PCDH11X: variants seen among roughly 807,000 people sequenced by gnomAD.
The protein encoded by PCDH11X is protocadherin 11 X-linked.
PCDH11X carries 18 observed loss-of-function variants against 53.3 expected under a neutral mutation model. The observed-to-expected ratio is 0.34, with a 90% confidence interval of 0.23 to 0.50. The LOEUF is 0.50. PCDH11X is among the 20% of genes least tolerant of loss of function. PCDH11X has a pLI of 0.98. For missense variants in PCDH11X, 570 were observed against 1,032.4 expected (o/e 0.55, Z 6.14); for synonymous variants, 279 against 393.3 (o/e 0.71, Z 3.44).
chrX:92,245,990 A>T lies in PCDH11X; in HGVS notation c.3115-17124A>T, dbSNP rs767233138. Among the ~76,000 whole-genome samples, 5 of 111,936 alleles carry T rather than the reference A, an allele frequency of 4.5e-5. No individual in the cohort carries two copies. The Admixed American group carries it at 4.8e-4, about 11-fold the overall frequency. On this transcript the variant is annotated intron_variant, in intron 7 of 10. Coordinates refer to ENST00000682573, the MANE Select transcript of PCDH11X (RefSeq NM_032968.5). The stretch of plus-strand genomic sequence containing the variant: ...CCGAATATCCTAATAGATAGTATAA[A>T]TCTAATTGTAAATTTTGGGGGGGAA...
At chrX:92,413,915 T>G (rs922673864) in intron 9 of PCDH11X, among the ~76,000 whole-genome samples, 1 of 107,514 alleles carries the variant, frequency 9.3e-6, no homozygotes, top group African/African-American at 3.4e-5. Context: ...GTGGAGTTTT[T>G]GGCCCTCTGA....
At chrX:91,867,772 C>A (rs1405085998) in intron 5 of PCDH11X, among the ~76,000 whole-genome samples, 1 of 111,207 alleles carries the variant, frequency 9.0e-6, no homozygotes, top group Non-Finnish European at 1.9e-5. Flanking sequence ...TCCCATACTC[C>A]CCATTCCTTG....
At chrX:92,002,290 T>C (rs1240613359) in intron 6 of PCDH11X, among the ~76,000 whole-genome samples, 2 of 108,330 alleles carry the variant, frequency 1.8e-5, no homozygotes, top group African/African-American at 3.4e-5. Context: ...TCCAGCTGTT[T>C]TGGTTACTAT....
intron 6 of PCDH11X, among the ~76,000 whole-genome samples, chrX:92,088,126 G>A (rs956349460): frequency 1.7e-4 from 18 of 108,153 alleles, no homozygotes; most frequent in African/African-American, 3.7e-4. Flanking sequence ...GTAGAATTAA[G>A]TAGGGAAATA....
At chrX:92,499,833 TA>T (rs775131573) in intron 10 of PCDH11X, among the ~76,000 whole-genome samples, 88 of 104,221 alleles carry the variant, frequency 8.4e-4, no homozygotes, top group African/African-American at 2.9e-3. Flanking sequence ...CCATGTCTCA[TA>T]AAAAAAGAAA....
chrX:92,279,399 T>C (rs2068195765), intron 8 of PCDH11X, among the ~76,000 whole-genome samples: 1 of 112,319 alleles, frequency 8.9e-6, no homozygotes, highest in African/African-American at 3.2e-5. Flanking sequence ...AAATGTGTAG[T>C]GGAGCAAATC....
chrX:92,364,157 A>G (rs12387539), intron 8 of PCDH11X, among the ~76,000 whole-genome samples: 3,699 of 111,755 alleles, frequency 0.033, 168 homozygotes, highest in African/African-American at 0.11. Flanking sequence ...TGCTTTCCTC[A>G]TATAATAGTC....
chrX:91,832,565 G>T (rs1252170166), intron 4 of PCDH11X, among the ~76,000 whole-genome samples: 1 of 104,625 alleles, frequency 9.6e-6, no homozygotes, highest in East Asian at 3.2e-4. Flanking sequence ...AATGGGTGCA[G>T]CACACCAACA....
chrX:92,530,930 TA>T (rs894835425), intron 10 of PCDH11X, among the ~76,000 whole-genome samples: 1 of 109,516 alleles, frequency 9.1e-6, no homozygotes, highest in Non-Finnish European at 1.9e-5. Flanking sequence ...CAAGTTAATA[TA>T]ATACGGTATG....
rs376264443 is a variant in PCDH11X at position 92,088,506 on chromosome X, G to A, written c.3034-112869G>A. 4.5e-5 allele frequency among the ~76,000 whole-genome samples: 5 copies of A among 109,992 alleles called. No homozygotes were observed. In the East Asian group the frequency reaches 1.5e-3, roughly 32 times the overall value. ...GATAATTCTCATTTTCAATAAGTAG[G>A]AAATGGGTTGTAAGAAGAGAAATTA... On this transcript the variant is annotated intron_variant, in intron 6 of 10. Transcript: ENST00000682573.
chrX:91,880,297 T>A (rs2147738343), intron 6 of PCDH11X, among the ~76,000 whole-genome samples: 1 of 111,859 alleles, frequency 8.9e-6, no homozygotes, highest in African/African-American at 3.3e-5. Flanking sequence ...GAGTTTATTA[T>A]TTTGTCTGTG....
At chrX:92,274,293 C>T (rs902165288) in intron 8 of PCDH11X, among the ~76,000 whole-genome samples, 16 of 107,911 alleles carry the variant, frequency 1.5e-4, no homozygotes, top group Non-Finnish European at 2.1e-4. Context: ...ACCTTTAGTC[C>T]GTTCTACTTT....
chrX:92,405,647 ACAT>A (rs1265365247), intron 9 of PCDH11X, among the ~76,000 whole-genome samples: 1 of 101,936 alleles, frequency 9.8e-6, no homozygotes, highest in Non-Finnish European at 2.0e-5. Context: ...TACCAAGATA[ACAT>A]CAGTTATATT....
intron 1 of PCDH11X, among the ~76,000 whole-genome samples, chrX:91,795,235 T>C (rs1375594775): frequency 1.8e-5 from 2 of 111,821 alleles, no homozygotes; most frequent in Non-Finnish European, 3.8e-5. Context: ...CTATGAACAG[T>C]TACACCTACT....
intron 8 of PCDH11X, among the ~76,000 whole-genome samples, chrX:92,314,779 G>A (rs2069038461): frequency 9.0e-6 from 1 of 110,544 alleles, no homozygotes; most frequent in African/African-American, 3.3e-5. Flanking sequence ...TCAACATAGA[G>A]CACTGGATTG....
At chrX:92,250,027 G>T (rs1421173593) in intron 7 of PCDH11X, among the ~76,000 whole-genome samples, 2 of 110,783 alleles carry the variant, frequency 1.8e-5, no homozygotes, top group Non-Finnish European at 3.8e-5. Context: ...ATTGTCATTC[G>T]CTCTAACGGA....
At chrX:92,235,618 G>A (rs1169679558) in intron 7 of PCDH11X, among the ~76,000 whole-genome samples, 1 of 111,141 alleles carries the variant, frequency 9.0e-6, no homozygotes, top group Non-Finnish European at 1.9e-5. Flanking sequence ...CTTTGATAAA[G>A]CAAACAGAGT....
chrX:92,147,112 CATTATT>C (rs547189779), intron 6 of PCDH11X, among the ~76,000 whole-genome samples: 5 of 106,621 alleles, frequency 4.7e-5, no homozygotes, highest in Admixed American at 2.9e-4. Flanking sequence ...TCAGTAGAGA[CATTATT>C]ATTATTATTA....
chrX:92,118,461 A>G (rs1219405870), intron 6 of PCDH11X, among the ~76,000 whole-genome samples: 2 of 107,519 alleles, frequency 1.9e-5, no homozygotes, highest in Non-Finnish European at 3.8e-5. Flanking sequence ...ATATATATAT[A>G]TGTATTGACT....
Sources: allele counts gnomAD v4.1 joint callset (sites outside exome capture counted in the v4.1 genomes callset), GRCh38; gene constraint gnomAD v4.1.1; transcripts MANE v1.5; gene names NCBI Gene and HGNC (gene_info 2026-07-23, HGNC 2026-07-21).